TMEM38B: variants seen among roughly 807,000 people sequenced by gnomAD.
TMEM38B encodes trimeric intracellular cation channel type B.
A neutral mutation model predicts 28.7 loss-of-function variants in TMEM38B; 24 were observed. The ratio of observed to expected loss-of-function variants is 0.84; its 90% CI spans 0.61 to 1.18. The LOEUF is 1.18. Among genes scored for constraint, TMEM38B ranks in the 50% most tolerant of loss-of-function variants. The pLI is 0.00. For missense variants in TMEM38B, 380 were observed against 350.9 expected (o/e 1.08, Z -0.66); for synonymous variants, 131 against 127.7 (o/e 1.03, Z -0.17).
At chr9:105,764,455 C>A (rs755242540) in intron 5 of TMEM38B, among the ~76,000 whole-genome samples, 32 of 151,782 alleles carry the variant, frequency 2.1e-4, no homozygotes, top group African/African-American at 2.9e-4. Context: ...AACAGAGAGC[C>A]AAATCATGAG....
intron 5 of TMEM38B, chr9:105,760,852 A>G (rs1460716214): frequency 1.6e-6 from 1 of 612,974 alleles, no homozygotes; most frequent in Non-Finnish European, 2.8e-6. Context: ...TTAATAAGGT[A>G]TTTCTAAATA....
intron 5 of TMEM38B, chr9:105,748,984 A>G: frequency 9.3e-7 from 1 of 1,078,940 alleles, no homozygotes; most frequent in Non-Finnish European, 1.2e-6. Flanking sequence ...AAACTTATCT[A>G]CAGGATTTTT....
chr9:105,710,868 A>G, intron 2 of TMEM38B: 1 of 333,134 alleles, frequency 3.0e-6, no homozygotes, highest in East Asian at 7.6e-5. Context: ...ACACACAGCC[A>G]GAGGGCTCCG....
chr9:105,721,451 C>A, intron 2 of TMEM38B, 86 bp from the exon 3 acceptor site: 1 of 1,021,738 alleles, frequency 9.8e-7, no homozygotes. Context: ...TGTGTTTTGC[C>A]AAATTGTTGT....
intron 5 of TMEM38B, among the ~76,000 whole-genome samples, chr9:105,768,395 A>T (rs1826444661): frequency 6.6e-6 from 1 of 151,738 alleles, no homozygotes. Flanking sequence ...TTTCTCTGTA[A>T]TTTTTTTCTC....
At chr9:105,750,042 T>G (rs1246378272) in intron 5 of TMEM38B, among the ~76,000 whole-genome samples, 1 of 152,230 alleles carries the variant, frequency 6.6e-6, no homozygotes, top group East Asian at 1.9e-4. Flanking sequence ...TTGTCTTTTT[T>G]ATTATAGCCA....
At chr9:105,772,847 T>A (rs1826599579) in intron 5 of TMEM38B, among the ~76,000 whole-genome samples, 1 of 152,140 alleles carries the variant, frequency 6.6e-6, no homozygotes, top group Non-Finnish European at 1.5e-5. Context: ...TCTAAGAATT[T>A]TTCACTTTTT....
chr9:105,743,136 G>T (rs750129679), intron 4 of TMEM38B, among the ~76,000 whole-genome samples: 8 of 152,188 alleles, frequency 5.3e-5, no homozygotes, highest in Non-Finnish European at 1.2e-4. Context: ...CAATCATATT[G>T]TTAAGCGAGA....
intron 2 of TMEM38B, among the ~76,000 whole-genome samples, chr9:105,721,232 C>A (rs1836304992): frequency 6.6e-6 from 1 of 152,154 alleles, no homozygotes. Flanking sequence ...CAGCACTTAG[C>A]TTCTAGAACA....
chr9:105,770,710 A>T (rs1826517402), intron 5 of TMEM38B, among the ~76,000 whole-genome samples: 2 of 152,182 alleles, frequency 1.3e-5, no homozygotes, highest in African/African-American at 4.8e-5. Flanking sequence ...TTTTAGGGCC[A>T]GGTGACTTTC....
At chr9:105,703,289 A>C (rs2133549101) in intron 1 of TMEM38B, among the ~76,000 whole-genome samples, 1 of 152,340 alleles carries the variant, frequency 6.6e-6, no homozygotes, top group Non-Finnish European at 1.5e-5. Flanking sequence ...GTTCCAGACC[A>C]GCGTGGCCAA....
intron 4 of TMEM38B, among the ~76,000 whole-genome samples, chr9:105,742,723 G>A (rs1837250487): frequency 6.6e-6 from 1 of 152,150 alleles, no homozygotes; most frequent in African/African-American, 2.4e-5. Flanking sequence ...TGGTAGATGT[G>A]TATGCCAAGG....
At chr9:105,739,361 G>A (rs998497856) in intron 4 of TMEM38B, among the ~76,000 whole-genome samples, 1 of 148,800 alleles carries the variant, frequency 6.7e-6, no homozygotes, top group Non-Finnish European at 1.5e-5. Flanking sequence ...GTAATTTCAC[G>A]TGAATTTGAG....
chr9:105,767,629 C>T (rs10116270), intron 5 of TMEM38B, among the ~76,000 whole-genome samples: 32,058 of 151,922 alleles, frequency 0.21, 5,279 homozygotes, highest in East Asian at 0.46. Context: ...ATTTTGTGGT[C>T]TTCATTGTTT....
At chr9:105,772,327 G>T (rs1301040300) in intron 5 of TMEM38B, among the ~76,000 whole-genome samples, 1 of 152,136 alleles carries the variant, frequency 6.6e-6, no homozygotes, top group African/African-American at 2.4e-5. Context: ...TCTTTGGGCT[G>T]TATTGACCTC....
At chr9:105,756,127 CAACAGAGCCAGACTCT>C (rs1837822506) in intron 5 of TMEM38B, among the ~76,000 whole-genome samples, 1 of 152,030 alleles carries the variant, frequency 6.6e-6, no homozygotes, top group African/African-American at 2.4e-5. Context: ...CTAGCCTGGG[CAACAGAGCCAGACTCT>C]GTCTCAAAAA....
In TMEM38B at chr9:105,705,599, G is replaced by GCA; in HGVS notation, c.116_117dup (p.Ala40GlnfsTer36). On this transcript the variant is annotated frameshift_variant, in exon 2 of 6. Transcript: ENST00000374692. LOFTEE classifies it high-confidence loss of function. Reference sequence around the variant, plus strand: ...CATATTTTACTTTACCATTTCAGGAGCAGCTGCATTGGCATGGAAGAATCC... The same window carrying GCA: ...CATATTTTACTTTACCATTTCAGGAGCACAGCTGCATTGGCATGGAAGAATCC... 6.2e-7 allele frequency: 1 copy of GCA among 1,611,814 alleles called. No individual in the cohort carries two copies. The highest frequency in any genetic ancestry group is 1.1e-5 in the South Asian group (1 of 90,714).
intron 2 of TMEM38B, among the ~76,000 whole-genome samples, chr9:105,719,508 T>C (rs751558620): frequency 1.5e-4 from 23 of 152,154 alleles, no homozygotes; most frequent in Non-Finnish European, 4.4e-5. Flanking sequence ...GAGTGTGCCA[T>C]TGGTCTGATA....
chr9:105,697,636 G>A (rs146983924), intron 1 of TMEM38B, among the ~76,000 whole-genome samples: 1 of 151,792 alleles, frequency 6.6e-6, no homozygotes, highest in East Asian at 1.9e-4. Context: ...CTGTCTTTGT[G>A]GATCATGGAT....
Sources: gnomAD v4.1 joint callset for allele counts (sites outside exome capture counted in the v4.1 genomes callset) on GRCh38, gnomAD v4.1.1 for gene constraint, MANE v1.5 for transcripts, NCBI Gene and HGNC (gene_info 2026-07-23, HGNC 2026-07-21) for gene names.